The following GLIS3 variants were observed in gnomAD, a reference collection of about 807,000 sequenced individuals.
GLIS3 encodes GLIS family zinc finger 3, also known as zinc finger protein GLIS3.
In GLIS3, 53 loss-of-function variants were observed where a neutral mutation model predicts 78.6. That is an observed-to-expected ratio of 0.67 (90% confidence interval 0.54 to 0.85). GLIS3 has a LOEUF of 0.85. Among genes scored for constraint, GLIS3 ranks in the 40% least tolerant of loss-of-function variants. The probability of loss-of-function intolerance (pLI) is 0.00; values close to 1 mark genes in which losing one functional copy is unlikely to be tolerated. For synonymous variants in GLIS3, 684 were observed against 509.9 expected, an observed-to-expected ratio of 1.34 and a Z score of -4.60; for missense variants, 1,703 against 1,231.1, an observed-to-expected ratio of 1.38 and a Z score of -5.74.
Position 3,975,717 on chromosome 9 carries a change from T to C in GLIS3, c.1711-38528A>G, listed in dbSNP as rs543911280. Among the ~76,000 whole-genome samples, 3 of 152,288 alleles carry C rather than the reference T, an allele frequency of 2.0e-5. No individual in the cohort carries two copies. In the South Asian group the frequency reaches 6.2e-4, roughly 32 times the overall value. On this transcript the variant is annotated intron_variant, in intron 4 of 10. Transcript: ENST00000381971. Reference sequence around the variant, plus strand: ...CATATTTGGTTCTTTTTTATGTCACTGGTTTTTGTCCATCGTGACAAGTCT... The same window carrying C: ...CATATTTGGTTCTTTTTTATGTCACCGGTTTTTGTCCATCGTGACAAGTCT...
At chr9:4,357,592 T>C in the GLIS3 span, among the ~76,000 whole-genome samples, 5 of 148,804 alleles carry the variant, frequency 3.4e-5, no homozygotes, top group African/African-American at 9.9e-5. Flanking sequence ...TGTGTGTGCA[T>C]GTGTATGTGT....
At chr9:4,406,884 G>T in the GLIS3 span, among the ~76,000 whole-genome samples, 1 of 152,128 alleles carries the variant, frequency 6.6e-6, no homozygotes. Flanking sequence ...GCAATCTACA[G>T]ATTCAATACA....
At chr9:4,386,626 A>C in the GLIS3 span, 2 of 152,204 alleles carry the variant, frequency 1.3e-5, no homozygotes, top group Non-Finnish European at 2.9e-5. Context: ...CTTGGGAGCT[A>C]AAAGGTCCCG....
chr9:4,245,414 T>G (rs1369322225), intron 2 of GLIS3, among the ~76,000 whole-genome samples: 1 of 152,216 alleles, frequency 6.6e-6, no homozygotes, highest in Non-Finnish European at 1.5e-5. Flanking sequence ...TATAAGCAAT[T>G]TTCAGGTTCT....
intron 2 of GLIS3, among the ~76,000 whole-genome samples, chr9:4,263,162 G>C (rs547237714): frequency 6.6e-6 from 1 of 152,226 alleles, no homozygotes; most frequent in African/African-American, 2.4e-5. Flanking sequence ...CCTTTTAAAA[G>C]TGTTCCACAT....
At chr9:4,350,102 G>C (rs1192317294), upstream of GLIS3, among the ~76,000 whole-genome samples, 1 of 152,248 alleles carries the variant, frequency 6.6e-6, no homozygotes, top group East Asian at 1.9e-4. Context: ...TAGCAGCATA[G>C]TGAGAAGGGA....
chr9:4,284,779 G>A (rs760777342), intron 2 of GLIS3, among the ~76,000 whole-genome samples: 7 of 151,686 alleles, frequency 4.6e-5, no homozygotes, highest in Non-Finnish European at 7.4e-5. Flanking sequence ...TTAGCCAGGC[G>A]TTGTGGCACG....
chr9:4,263,947 G>C (rs1825757074), intron 2 of GLIS3, among the ~76,000 whole-genome samples: 1 of 151,912 alleles, frequency 6.6e-6, no homozygotes. Context: ...CTTTGGGTTG[G>C]TCCTTTGCAG....
chr9:4,067,523 T>C (rs923325032), intron 4 of GLIS3, among the ~76,000 whole-genome samples: 23 of 151,854 alleles, frequency 1.5e-4, no homozygotes, highest in African/African-American at 5.3e-4. Context: ...GAAGAATCAT[T>C]GTAAAAACAT....
At chr9:4,484,288 A>G in the GLIS3 span, among the ~76,000 whole-genome samples, 2 of 146,530 alleles carry the variant, frequency 1.4e-5, no homozygotes, top group Admixed American at 6.9e-5. Flanking sequence ...CCCAGGCTAG[A>G]GTGCAGTGGC....
intron 4 of GLIS3, among the ~76,000 whole-genome samples, chr9:4,020,229 CAGCTGCCCTTGTGG>C (rs1822769570): frequency 6.6e-6 from 1 of 152,168 alleles, no homozygotes; most frequent in South Asian, 2.1e-4. Flanking sequence ...GCAGCAGGAA[CAGCTGCCCTTGTGG>C]TAGGAATGGC....
the GLIS3 span, among the ~76,000 whole-genome samples, chr9:4,408,761 A>C: frequency 6.6e-6 from 1 of 151,436 alleles, no homozygotes; most frequent in Non-Finnish European, 1.5e-5. Context: ...GAGAGAATGA[A>C]TAGGACCTAG....
At chr9:4,329,516 C>T (rs1282411208) in intron 2 of GLIS3, among the ~76,000 whole-genome samples, 1 of 152,170 alleles carries the variant, frequency 6.6e-6, no homozygotes, top group African/African-American at 2.4e-5. Context: ...CATAACCCCA[C>T]CTACCTCACC....
the GLIS3 span, among the ~76,000 whole-genome samples, chr9:4,360,049 T>C: frequency 6.6e-6 from 1 of 152,078 alleles, no homozygotes; most frequent in East Asian, 1.9e-4. Context: ...TTACACAAAT[T>C]GAAGCCCACA....
At chr9:4,387,838 A>C in the GLIS3 span, among the ~76,000 whole-genome samples, 3 of 152,348 alleles carry the variant, frequency 2.0e-5, no homozygotes, top group East Asian at 5.8e-4. Flanking sequence ...AGAGAATTTA[A>C]AAGTCTGTTG....
At chr9:4,006,590 C>A (rs1019121808) in intron 4 of GLIS3, among the ~76,000 whole-genome samples, 2 of 152,146 alleles carry the variant, frequency 1.3e-5, no homozygotes, top group African/African-American at 4.8e-5. Context: ...CCTTTATATG[C>A]ATTAAGTACT....
intron 4 of GLIS3, among the ~76,000 whole-genome samples, chr9:4,043,184 T>A (rs986025834): frequency 1.3e-5 from 2 of 152,184 alleles, no homozygotes; most frequent in African/African-American, 2.4e-5. Flanking sequence ...CCTTTAAGCA[T>A]CCATTTGTTC....
At chr9:4,379,932 A>AG in the GLIS3 span, among the ~76,000 whole-genome samples, 1 of 151,980 alleles carries the variant, frequency 6.6e-6, no homozygotes, top group Non-Finnish European at 1.5e-5. Flanking sequence ...CCAAAAAAAA[A>AG]GGAGGTCTGT....
intron 5 of GLIS3, among the ~76,000 whole-genome samples, chr9:3,934,035 G>T (rs1274735791): frequency 6.6e-6 from 1 of 152,160 alleles, no homozygotes; most frequent in Admixed American, 6.5e-5. Flanking sequence ...TTCAGACTAG[G>T]GATCTAAAAG....
Sources: allele counts gnomAD v4.1 joint callset (sites outside exome capture counted in the v4.1 genomes callset), GRCh38; gene constraint gnomAD v4.1.1; transcripts MANE v1.5; gene names NCBI Gene and HGNC (gene_info 2026-07-23, HGNC 2026-07-21).